The following XYLB variants were observed in gnomAD, a reference collection of about 807,000 sequenced individuals.
The protein encoded by XYLB is xylulose kinase.
A neutral mutation model predicts 78.7 loss-of-function variants in XYLB; 62 were observed. The observed-to-expected ratio is 0.79, with a 90% CI of 0.64 to 0.97. XYLB has a LOEUF of 0.97. XYLB is among the 50% of genes least tolerant of loss of function. XYLB has a pLI of 0.00. For missense variants in XYLB, 687 were observed against 676.8 expected, an observed-to-expected ratio of 1.02 and a Z score of -0.17; for synonymous variants, 245 against 247.4, an observed-to-expected ratio of 0.99 and a Z score of 0.09.
At chr3:38,379,116 G>C (rs993230099) in intron 14 of XYLB, 130 bp from the exon 15 acceptor site, 2 of 832,182 alleles carry the variant, frequency 2.4e-6, no homozygotes, top group Non-Finnish European at 4.0e-6. Context: ...CAAAGATAGT[G>C]GTTAAAGAGC....
chr3:38,365,810 C>T (rs762330253), intron 6 of XYLB, 74 bp downstream of exon 6: 7 of 1,500,844 alleles, frequency 4.7e-6, no homozygotes, highest in Non-Finnish European at 6.2e-6. Context: ...TGACCTGCCT[C>T]TGGGGGGATC....
At chr3:38,397,879 T>C (rs1234831716) in intron 17 of XYLB, among the ~76,000 whole-genome samples, 6 of 149,830 alleles carry the variant, frequency 4.0e-5, no homozygotes, top group South Asian at 2.1e-4. Flanking sequence ...AGTGCAGTGG[T>C]GCAATCTTGG....
At chr3:38,446,425 A>G in the XYLB span, among the ~76,000 whole-genome samples, 1 of 152,152 alleles carries the variant, frequency 6.6e-6, no homozygotes, top group South Asian at 2.1e-4. Context: ...CCAAGTCCCC[A>G]CCCCATCCAG....
Position 38,346,807 on chromosome 3 carries a change from C to A in XYLB, c.-62C>A. 6.9e-7 allele frequency: 1 copy of A among 1,439,996 alleles called. No individual in the cohort carries two copies. Among genetic ancestry groups the A allele is most frequent in the Non-Finnish European group, 9.2e-7 (1 of 1,089,750 alleles). 89.2% of individuals were successfully genotyped at this position (1,439,996 alleles called of 1,614,324 possible). A position where few individuals can be genotyped will look rare whatever the true frequency, so the allele number is the denominator to read the frequency against. On this transcript the variant is annotated 5_prime_UTR_variant, in exon 1 of 19. Transcript: ENST00000207870. Reference sequence around the variant, plus strand: ...TGCGTCTCTGGGCGCTGGAGCGCGGCGACTATCACGCCGCGTGGCGGACGG... The same window carrying A: ...TGCGTCTCTGGGCGCTGGAGCGCGGAGACTATCACGCCGCGTGGCGGACGG...
At chr3:38,415,616 T>C (rs1433625492), downstream of XYLB, among the ~76,000 whole-genome samples, 1 of 151,716 alleles carries the variant, frequency 6.6e-6, no homozygotes, top group Non-Finnish European at 1.5e-5. Flanking sequence ...AACCCCGTCT[T>C]TACTAAAAAT....
At chr3:38,412,600 A>T (rs919596066) in intron 18 of XYLB, among the ~76,000 whole-genome samples, 2 of 152,202 alleles carry the variant, frequency 1.3e-5, no homozygotes, top group African/African-American at 4.8e-5. Flanking sequence ...ACAGATATAA[A>T]GTCAAGTCTA....
downstream of XYLB, among the ~76,000 whole-genome samples, chr3:38,416,052 C>G (rs1052398923): frequency 2.0e-5 from 3 of 152,136 alleles, no homozygotes; most frequent in East Asian, 1.9e-4. Flanking sequence ...CCCCCATGAT[C>G]CAGTCACCTC....
chr3:38,430,295 C>T, the XYLB span, among the ~76,000 whole-genome samples: 2 of 152,212 alleles, frequency 1.3e-5, no homozygotes, highest in East Asian at 3.8e-4. Flanking sequence ...TTGCATTTAT[C>T]TGATGACCAG....
At chr3:38,389,948 A>G (rs1707579788) in intron 15 of XYLB, among the ~76,000 whole-genome samples, 1 of 152,172 alleles carries the variant, frequency 6.6e-6, no homozygotes, top group South Asian at 2.1e-4. Context: ...GTAGAGTCTT[A>G]CTTCTTCATG....
chr3:38,391,236 AC>A (rs201942865), intron 15 of XYLB, among the ~76,000 whole-genome samples: 11,757 of 22,660 alleles, frequency 0.52, 1,048 homozygotes, highest in African/African-American at 0.53. Flanking sequence ...AACAACAACA[AC>A]AAAAAAAAAG....
the XYLB span, among the ~76,000 whole-genome samples, chr3:38,438,438 A>T: frequency 4.6e-5 from 7 of 152,252 alleles, no homozygotes; most frequent in Non-Finnish European, 7.3e-5. Context: ...TGCCCAAAGC[A>T]ATCTACAGGT....
chr3:38,428,222 CATTT>C, the XYLB span, among the ~76,000 whole-genome samples: 2 of 152,104 alleles, frequency 1.3e-5, no homozygotes, highest in Admixed American at 1.3e-4. Flanking sequence ...AACTTACTGA[CATTT>C]ATTTTTTGGC....
chr3:38,361,732 T>C (rs183413350), intron 3 of XYLB, among the ~76,000 whole-genome samples: 1 of 152,300 alleles, frequency 6.6e-6, no homozygotes, highest in East Asian at 1.9e-4. Context: ...AGGACCAAAC[T>C]TGATCCTAGC....
intron 14 of XYLB, 73 bp downstream of exon 14, chr3:38,377,064 A>G: frequency 1.5e-6 from 2 of 1,333,408 alleles, no homozygotes; most frequent in Non-Finnish European, 2.1e-6. Flanking sequence ...TGCCTATCAA[A>G]TTATGTTACT....
chr3:38,358,534 G>C (rs1385209955), intron 2 of XYLB, among the ~76,000 whole-genome samples: 2 of 151,866 alleles, frequency 1.3e-5, no homozygotes, highest in South Asian at 4.1e-4. Flanking sequence ...TGTAGAGATG[G>C]GGTTTCACCA....
chr3:38,402,609 A>G (rs1303736295), intron 18 of XYLB, among the ~76,000 whole-genome samples: 1 of 152,218 alleles, frequency 6.6e-6, no homozygotes, highest in African/African-American at 2.4e-5. Flanking sequence ...CTCCTTCACC[A>G]TGAGACCTTA....
chr3:38,366,073 GTGCA>G (rs953465960), intron 6 of XYLB, among the ~76,000 whole-genome samples: 1 of 149,676 alleles, frequency 6.7e-6, no homozygotes, highest in Non-Finnish European at 1.5e-5. Context: ...AAAGAAGTCA[GTGCA>G]TGTAAGGCAC....
At chr3:38,428,341 T>C in the XYLB span, among the ~76,000 whole-genome samples, 1 of 152,246 alleles carries the variant, frequency 6.6e-6, no homozygotes, top group African/African-American at 2.4e-5. Context: ...CGAATTAGAT[T>C]GATGGTGTTG....
chr3:38,350,035 G>A (rs1705276671), intron 2 of XYLB, among the ~76,000 whole-genome samples: 1 of 152,162 alleles, frequency 6.6e-6, no homozygotes, highest in African/African-American at 2.4e-5. Context: ...GGGGCAGAGG[G>A]GGCACAATTC....
Sources: gnomAD v4.1 joint callset for allele counts (sites outside exome capture counted in the v4.1 genomes callset) on GRCh38, gnomAD v4.1.1 for gene constraint, MANE v1.5 for transcripts, NCBI Gene and HGNC (gene_info 2026-07-23, HGNC 2026-07-21) for gene names.